DOCK8: variants seen among roughly 807,000 people sequenced by gnomAD.
DOCK8 encodes the protein dedicator of cytokinesis protein 8.
A neutral mutation model predicts 245.6 loss-of-function variants in DOCK8; 141 were observed. The ratio of observed to expected loss-of-function variants is 0.57; its 90% CI spans 0.50 to 0.66. DOCK8 has a LOEUF of 0.66. Among genes scored for constraint, DOCK8 ranks in the 30% least tolerant of loss-of-function variants. The pLI is 0.00. For synonymous variants in DOCK8, 1,168 were observed against 970.2 expected (o/e 1.20, Z -3.79); for missense variants, 2,965 against 2,603.4 (o/e 1.14, Z -3.02).
At chr9:370,820 G>A (rs766639725) in intron 16 of DOCK8, among the ~76,000 whole-genome samples, 3 of 152,210 alleles carry the variant, frequency 2.0e-5, no homozygotes, top group Non-Finnish European at 4.4e-5. Flanking sequence ...GTGTTGGACG[G>A]AATTGGGTTT....
At chr9:360,939 C>A (rs2052697805) in intron 14 of DOCK8, among the ~76,000 whole-genome samples, 1 of 152,104 alleles carries the variant, frequency 6.6e-6, no homozygotes, top group Non-Finnish European at 1.5e-5. Context: ...GCATGAGGAC[C>A]ACTTGAGCCC....
chr9:350,441 T>C (rs1425557879), intron 14 of DOCK8, among the ~76,000 whole-genome samples: 6 of 152,236 alleles, frequency 3.9e-5, no homozygotes, highest in African/African-American at 9.6e-5. Context: ...ACAATACTTT[T>C]AACTTAATGG....
intron 2 of DOCK8, 46 bp from the exon 3 acceptor site, chr9:286,415 A>G: frequency 1.2e-6 from 2 of 1,604,920 alleles, no homozygotes; most frequent in Admixed American, 1.7e-5. Context: ...TGCTTTTACC[A>G]GAAAACTGGG....
intron 46 of DOCK8, chr9:456,202 C>G (rs1264587352): frequency 6.6e-6 from 1 of 152,214 alleles, no homozygotes; most frequent in Non-Finnish European, 1.5e-5. Context: ...AAATCATACC[C>G]TGAATACAGA....
chr9:385,972 C>T (rs529235274), intron 22 of DOCK8, among the ~76,000 whole-genome samples: 11 of 152,236 alleles, frequency 7.2e-5, no homozygotes, highest in African/African-American at 2.2e-4. Context: ...TAGGAGACAG[C>T]GTGGTGCAGT....
chr9:407,135 C>T, intron 28 of DOCK8, 66 bp downstream of exon 28: 4 of 1,605,220 alleles, frequency 2.5e-6, no homozygotes, highest in East Asian at 4.5e-5. Context: ...ATAAAATTTG[C>T]AGTCTAGCTT....
chr9:418,158 C>T lies in DOCK8; in HGVS notation c.3791C>T (p.Ala1264Val). 6.2e-7 allele frequency: 1 copy of T among 1,614,202 alleles called. No homozygotes were observed. The highest frequency in any genetic ancestry group is 2.2e-5 in the East Asian group (1 of 44,888). Residue 1264 changes from alanine to valine, a missense_variant, in exon 30 of 48, where the codon GCA (alanine) becomes GTA (valine). By Grantham distance (64) the Ala-to-Val change is moderately conservative (BLOSUM62 0). Transcript: ENST00000432829. ...AACCAGAATGTGGCTCTGGCCATAGCAGGGAATAATTTCAATTTGAAAACA... is the reference window on the plus strand; with the variant it reads ...AACCAGAATGTGGCTCTGGCCATAGTAGGGAATAATTTCAATTTGAAAACA... Reference protein sequence around the residue: ...AINQNVALAIAGNNFNLKTSG... With the variant: ...AINQNVALAIVGNNFNLKTSG...
Position 390,545 on chromosome 9 carries a change from C to G in DOCK8, c.2949C>G (p.Ala983=), listed in dbSNP as rs1403234546. 4.3e-6 allele frequency: 7 copies of G among 1,614,026 alleles called. 1 individual carries two copies. The highest frequency in any genetic ancestry group is 3.3e-5 in the Admixed American group (2 of 59,996). Residue 983 remains alanine (A), a synonymous_variant, in exon 24 of 48, where the codon GCC becomes GCG. Coordinates refer to ENST00000432829, the MANE Select transcript of DOCK8 (RefSeq NM_203447.4). ...TGAGAGAAACAGTCTTCAAGTATGC[C>G]TGGTTCTTCTTTGAGCTTCTGGTGA... ...GMVRETVFKY[A]WFFFELLVKS... is the part of the protein sequence containing the mutation.
rs1047400835 is a variant in DOCK8 at position 233,807 on chromosome 9, G to C, written c.53+18778G>C. ...TATGTGTGTCTCTGCACGTGAGATG[G>C]GTTTCCTGAATACAGCACACTGATG... On this transcript the variant is annotated intron_variant, in intron 1 of 47. Coordinates refer to ENST00000432829, the MANE Select transcript of DOCK8 (RefSeq NM_203447.4). Among the ~76,000 whole-genome samples, 14 of 151,978 alleles carry C rather than the reference G, an allele frequency of 9.2e-5. 1 individual carries two copies. The highest frequency in any genetic ancestry group is 2.6e-4 in the Admixed American group (4 of 15,260).
At chr9:456,034 A>G (rs960796365) in intron 46 of DOCK8, among the ~76,000 whole-genome samples, 1 of 152,220 alleles carries the variant, frequency 6.6e-6, no homozygotes, top group African/African-American at 2.4e-5. Flanking sequence ...GCTGCTCATT[A>G]TTCATCTCTA....
chr9:455,060 C>A (rs1419950542), intron 46 of DOCK8, among the ~76,000 whole-genome samples: 1 of 152,182 alleles, frequency 6.6e-6, no homozygotes, highest in African/African-American at 2.4e-5. Context: ...GTTCTCCTAC[C>A]CTTTTAATGG....
intron 14 of DOCK8, among the ~76,000 whole-genome samples, chr9:342,326 A>G (rs867999439): frequency 4.1e-5 from 5 of 121,344 alleles, no homozygotes; most frequent in Non-Finnish European, 8.7e-5. Flanking sequence ...TTTGAGTATT[A>G]CTATGGAGTC....
chr9:336,655 G>A lies in DOCK8; in HGVS notation c.1359G>A (p.Glu453=). ...RRLSERALSL[E]ENGVGSNFKT... is the part of the protein sequence containing the mutation. ...TTTCTGAAAGAGCCCTCTCCTTGGA[G>A]GAAAATGGGGTTGGATCCAACTTCA... The change falls in exon 12 of 48, where the codon GAG becomes GAA. Residue 453 remains glutamate, a synonymous_variant. Coordinates refer to ENST00000432829, the MANE Select transcript of DOCK8 (RefSeq NM_203447.4). 1 of 1,614,148 alleles carries A rather than the reference G, an allele frequency of 6.2e-7. No homozygotes were observed. Among genetic ancestry groups the A allele is most frequent in the Non-Finnish European group, 8.5e-7 (1 of 1,180,012 alleles).
At chr9:216,366 CA>C (rs1043339882) in intron 1 of DOCK8, among the ~76,000 whole-genome samples, 1 of 151,372 alleles carries the variant, frequency 6.6e-6, no homozygotes. Context: ...CCTGTGGCTA[CA>C]AAAAAATAAT....
At chr9:252,248 C>T (rs980281924) in intron 1 of DOCK8, among the ~76,000 whole-genome samples, 3 of 151,782 alleles carry the variant, frequency 2.0e-5, no homozygotes, top group African/African-American at 7.2e-5. Flanking sequence ...GCTGGGATTA[C>T]AAGCGTGAGC....
rs139121479 is a variant in DOCK8, at chr9:234,392, A to C, written c.53+19363A>C. Among the ~76,000 whole-genome samples, 63 of 152,180 alleles carry C rather than the reference A, an allele frequency of 4.1e-4. 1 individual carries two copies. Among genetic ancestry groups the C allele is most frequent in the Middle Eastern group, 3.4e-3 (1 of 294 alleles). ...TATGTGTCTTGGAATTGCTTTTCTC[A>C]AGGAGTATCTTTGTGGCGTTCTCTG... On this transcript the variant is annotated intron_variant, in intron 1 of 47. Transcript: ENST00000432829.
chr9:323,348 C>T (rs889111436), intron 7 of DOCK8, among the ~76,000 whole-genome samples: 8 of 150,648 alleles, frequency 5.3e-5, no homozygotes, highest in East Asian at 4.0e-4. Context: ...CTCAGCCTCC[C>T]GAGTAGCTGG....
At chr9:360,686 T>C (rs777854650) in intron 14 of DOCK8, among the ~76,000 whole-genome samples, 4 of 152,248 alleles carry the variant, frequency 2.6e-5, no homozygotes, top group Non-Finnish European at 2.9e-5. Context: ...TCAGACATTT[T>C]TGTGGAATCT....
chr9:278,808 T>G (rs1042542700), intron 2 of DOCK8, among the ~76,000 whole-genome samples: 1 of 152,074 alleles, frequency 6.6e-6, no homozygotes, highest in Non-Finnish European at 1.5e-5. Flanking sequence ...AATGCAGTCA[T>G]AGAGAAAGCA....
Sources: allele counts gnomAD v4.1 joint callset (sites outside exome capture counted in the v4.1 genomes callset), GRCh38; gene constraint gnomAD v4.1.1; transcripts MANE v1.5; gene names NCBI Gene and HGNC (gene_info 2026-07-23, HGNC 2026-07-21).